The following ITPRID1 variants were observed in gnomAD, a reference collection of about 807,000 sequenced individuals.
ITPRID1 encodes the protein ITPR interacting domain containing 1.
ITPRID1 carries 96 observed loss-of-function variants against 95.4 expected under a neutral mutation model. The ratio of observed to expected loss-of-function variants is 1.01; its 90% CI spans 0.85 to 1.19. ITPRID1 has a LOEUF of 1.19. Among genes scored for constraint, ITPRID1 ranks in the 50% most tolerant of loss-of-function variants. ITPRID1 has a pLI of 0.00. For synonymous variants in ITPRID1, 510 were observed against 453.6 expected, an observed-to-expected ratio of 1.12 and a Z score of -1.58; for missense variants, 1,339 against 1,252.9, an observed-to-expected ratio of 1.07 and a Z score of -1.04.
chr7:31,637,201 G>A (rs1182826927), intron 10 of ITPRID1, among the ~76,000 whole-genome samples: 1 of 152,062 alleles, frequency 6.6e-6, no homozygotes, highest in Non-Finnish European at 1.5e-5. Context: ...AAACATACGT[G>A]TGCATGTGTC....
intron 1 of ITPRID1, among the ~76,000 whole-genome samples, chr7:31,519,036 G>A (rs1783133765): frequency 6.6e-6 from 1 of 152,104 alleles, no homozygotes; most frequent in Non-Finnish European, 1.5e-5. Flanking sequence ...AGAGATGACA[G>A]TAGCCCAAAT....
intron 1 of ITPRID1, among the ~76,000 whole-genome samples, chr7:31,547,968 G>C (rs1192986076): frequency 6.6e-6 from 1 of 152,108 alleles, no homozygotes; most frequent in Non-Finnish European, 1.5e-5. Context: ...ACTAAGGTAG[G>C]AGTTGGAGAG....
chr7:31,592,322 C>T (rs1051337215), intron 10 of ITPRID1, among the ~76,000 whole-genome samples: 1 of 152,190 alleles, frequency 6.6e-6, no homozygotes, highest in African/African-American at 2.4e-5. Flanking sequence ...CTCTATGCTT[C>T]TGTGTCCTCA....
At position 31,529,102 on chromosome 7, in the gene ITPRID1, A is replaced by G. The variant is rs557641546; in HGVS notation, c.-98+14982A>G. Among the ~76,000 whole-genome samples the G allele has an allele frequency of 4.0e-4, 61 of 152,314 alleles. 1 individual carries two copies. The South Asian group carries it at 0.012, about 30-fold the overall frequency. ...CATAGATAGTGAAATTCTATGGATG[A>G]TAAGACTGACTGTTAGTTCTTACTC... On this transcript the variant is annotated intron_variant, in intron 1 of 14. Coordinates refer to ENST00000615280, the MANE Select transcript of ITPRID1 (RefSeq NM_001257967.3).
In ITPRID1 at chr7:31,572,208, T is replaced by G. The variant is rs1785017737; in HGVS notation, c.395+20T>G. On this transcript the variant is annotated intron_variant, in intron 7 of 14. Transcript: ENST00000615280. ...ACAAAGGTATGTAATTTCCAGGTGCTTTTCATCCTGAGAAATCATTCTGTG... is the reference window on the plus strand; with the variant it reads ...ACAAAGGTATGTAATTTCCAGGTGCGTTTCATCCTGAGAAATCATTCTGTG... The G allele has an allele frequency of 1.3e-6, 2 of 1,497,328 alleles. No individual in the cohort carries two copies. Among genetic ancestry groups the G allele is most frequent in the South Asian group, 1.2e-5 (1 of 86,034 alleles). 92.8% of individuals were successfully genotyped at this position (1,497,328 alleles called of 1,614,324 possible).
At chr7:31,591,847 G>T (rs1785878816) in intron 10 of ITPRID1, among the ~76,000 whole-genome samples, 1 of 152,010 alleles carries the variant, frequency 6.6e-6, no homozygotes, top group South Asian at 2.1e-4. Flanking sequence ...AATAACTGTT[G>T]TAACAAAAAT....
chr7:31,585,168 G>A (rs1023308619), intron 10 of ITPRID1, among the ~76,000 whole-genome samples: 5 of 152,122 alleles, frequency 3.3e-5, no homozygotes, highest in African/African-American at 7.2e-5. Context: ...AAACCACACC[G>A]AGCTGGCCAG....
In ITPRID1 at chr7:31,611,259, C is replaced by G. The variant is rs901335373; in HGVS notation, c.1228+28068C>G. Among the ~76,000 whole-genome samples the G allele has an allele frequency of 4.0e-5, 6 of 151,280 alleles. No individual in the cohort carries two copies. The East Asian group carries it at 9.7e-4, about 24-fold the overall frequency. Reference sequence around the variant, plus strand: ...GTTTTATTTCCTCCTCCCTCCTTTGCGGTATTATTGTCATACACATTACAT... The same window carrying G: ...GTTTTATTTCCTCCTCCCTCCTTTGGGGTATTATTGTCATACACATTACAT... On this transcript the variant is annotated intron_variant, in intron 10 of 14. Transcript: ENST00000615280.
chr7:31,540,888 A>G (rs1783912896), intron 1 of ITPRID1, among the ~76,000 whole-genome samples: 2 of 152,196 alleles, frequency 1.3e-5, no homozygotes, highest in Admixed American at 1.3e-4. Flanking sequence ...CCGGTTTTCC[A>G]AGGGCTTTAT....
intron 5 of ITPRID1, among the ~76,000 whole-genome samples, chr7:31,564,414 T>C (rs952691583): frequency 6.6e-6 from 1 of 152,170 alleles, no homozygotes; most frequent in Non-Finnish European, 1.5e-5. Flanking sequence ...TGTTTGTTTT[T>C]TTCTTTCTCC....
chr7:31,515,355 A>T (rs755217097), intron 1 of ITPRID1, among the ~76,000 whole-genome samples: 14 of 152,064 alleles, frequency 9.2e-5, no homozygotes, highest in Non-Finnish European at 2.1e-4. Context: ...GTATGTAGCC[A>T]CTAAAAATAA....
chr7:31,637,214 T>C (rs1190198391), intron 10 of ITPRID1, among the ~76,000 whole-genome samples: 1 of 152,144 alleles, frequency 6.6e-6, no homozygotes, highest in Non-Finnish European at 1.5e-5. Context: ...CATGTGTCTT[T>C]ATAGCAGCAT....
chr7:31,533,520 T>C (rs1211821237), intron 1 of ITPRID1, among the ~76,000 whole-genome samples: 2 of 152,180 alleles, frequency 1.3e-5, no homozygotes, highest in Non-Finnish European at 2.9e-5. Flanking sequence ...TTGAATTTAA[T>C]TTTTCTTCTT....
chr7:31,655,874 G>A lies in ITPRID1; in HGVS notation c.*3045G>A. 1 of 985,516 alleles carries A rather than the reference G, an allele frequency of 1.0e-6. No homozygotes were observed. The highest frequency in any genetic ancestry group is 1.2e-6 in the Non-Finnish European group (1 of 829,978). The allele number at this position is 985,516 out of a possible 1,614,324, so 61.0% of individuals were successfully genotyped here. ...TTCCCTGTAACGCCTACGGAATGAA[G>A]AGGAACACCTGGCTCTAGGATGTCC... On this transcript the variant is annotated 3_prime_UTR_variant, in exon 15 of 15. Coordinates refer to ENST00000615280, the MANE Select transcript of ITPRID1 (RefSeq NM_001257967.3).
chr7:31,621,936 A>G (rs38350), intron 10 of ITPRID1, among the ~76,000 whole-genome samples: 37,421 of 149,690 alleles, frequency 0.25, 5,524 homozygotes, highest in Non-Finnish European at 0.33. Context: ...GAAAACAAAA[A>G]AAGGCAGGGG....
At chr7:31,590,274 A>C (rs1385052730) in intron 10 of ITPRID1, among the ~76,000 whole-genome samples, 1 of 152,120 alleles carries the variant, frequency 6.6e-6, no homozygotes. Flanking sequence ...AATTCAATAG[A>C]ATTAGTAAGA....
In ITPRID1 at chr7:31,516,070, TAATA is replaced by T. The variant is rs552134575; in HGVS notation, c.-98+1959_-98+1962del. ...ATATGGTATTAACCACATTAATGGT[TAATA>T]AATAAATATGGTATTAATGCCCAAC... On this transcript the variant is annotated intron_variant, in intron 1 of 14. Coordinates refer to ENST00000615280, the MANE Select transcript of ITPRID1 (RefSeq NM_001257967.3). Among the ~76,000 whole-genome samples, 389 of 152,288 alleles carry T rather than the reference TAATA, an allele frequency of 2.6e-3. 1 individual carries two copies. The highest frequency in any genetic ancestry group is 8.5e-3 in the African/African-American group (353 of 41,564).
chr7:31,654,053 C>CAAAA lies in ITPRID1; in HGVS notation c.*1240_*1243dup, dbSNP rs70986698. Among the ~76,000 whole-genome samples the CAAAA allele has an allele frequency of 2.3e-5, 3 of 130,366 alleles. No homozygotes were observed. The highest frequency in any genetic ancestry group is 8.5e-5 in the African/African-American group (3 of 35,302). The allele number at this position is 130,366 out of a possible 152,430, so 85.5% of individuals were successfully genotyped here. On this transcript the variant is annotated 3_prime_UTR_variant, in exon 15 of 15. Transcript: ENST00000615280. ...GAAAGAGTTGGATGAAGAGTAAGTC[C>CAAAA]AAAAAAAAAAAAAAAAAAACCAACA...
chr7:31,653,157 T>C lies in ITPRID1; in HGVS notation c.*328T>C, dbSNP rs1167108103. The C allele has an allele frequency of 3.4e-6, 1 of 291,526 alleles. No individual in the cohort carries two copies. Among genetic ancestry groups the C allele is most frequent in the Non-Finnish European group, 6.0e-6 (1 of 165,294 alleles). The allele number at this position is 291,526 out of a possible 1,614,324, so 18.1% of individuals were successfully genotyped here. ...TATCTGAGACAGACCTCAGTCAATATAGAAGTTTATTTTGCCAAGGTTAAG... is the reference window on the plus strand; with the variant it reads ...TATCTGAGACAGACCTCAGTCAATACAGAAGTTTATTTTGCCAAGGTTAAG... On this transcript the variant is annotated 3_prime_UTR_variant, in exon 15 of 15. Transcript: ENST00000615280.
Sources: allele counts gnomAD v4.1 joint callset (sites outside exome capture counted in the v4.1 genomes callset), GRCh38; gene constraint gnomAD v4.1.1; transcripts MANE v1.5; gene names NCBI Gene and HGNC (gene_info 2026-07-23, HGNC 2026-07-21).